Variants in SIK2 observed in about 807,000 individuals in gnomAD.
SIK2 encodes salt inducible kinase 2, also known as serine/threonine-protein kinase SIK2.
In SIK2, 29 loss-of-function variants were observed where a neutral mutation model predicts 103.2. The observed-to-expected ratio is 0.28, with a 90% confidence interval of 0.21 to 0.38. SIK2 has a LOEUF of 0.38. SIK2 is among the 10% of genes least tolerant of loss of function. The pLI, the probability that SIK2 is intolerant of heterozygous loss-of-function variation, is 1.00. For synonymous variants in SIK2, 412 were observed against 446.1 expected (o/e 0.92, Z 0.96); for missense variants, 879 against 1,171.0 (o/e 0.75, Z 3.64).
chr11:111,645,844 A>G (rs1408951981), intron 3 of SIK2, among the ~76,000 whole-genome samples: 2 of 151,870 alleles, frequency 1.3e-5, no homozygotes, highest in East Asian at 1.9e-4. Flanking sequence ...CCATAAAATC[A>G]GAATAGGACT....
chr11:111,653,299 T>G (rs995947985), intron 3 of SIK2, among the ~76,000 whole-genome samples: 1 of 152,204 alleles, frequency 6.6e-6, no homozygotes, highest in African/African-American at 2.4e-5. Flanking sequence ...TAGAAATAAC[T>G]TCAGACTCGA....
intron 8 of SIK2, among the ~76,000 whole-genome samples, chr11:111,706,959 CAAAAA>C (rs763828886): frequency 5.8e-5 from 3 of 52,082 alleles, no homozygotes; most frequent in Admixed American, 2.0e-4. Flanking sequence ...GACTCCGTCT[CAAAAA>C]AAAAAAAAAA....
chr11:111,698,375 T>C (rs1225488383), intron 4 of SIK2, among the ~76,000 whole-genome samples: 2 of 152,134 alleles, frequency 1.3e-5, no homozygotes, highest in Non-Finnish European at 2.9e-5. Context: ...TCCCATTCAC[T>C]CCTTTGAGTT....
chr11:111,721,976 C>T, intron 13 of SIK2, 36 bp downstream of exon 13: 1 of 1,472,406 alleles, frequency 6.8e-7, no homozygotes, highest in Non-Finnish European at 9.2e-7. Context: ...CCTCACTCTG[C>T]TCATCCAGAA....
chr11:111,671,628 G>T, intron 3 of SIK2: 1 of 348,660 alleles, frequency 2.9e-6, no homozygotes. Flanking sequence ...CCATGTCCAG[G>T]GAGCAGCTGT....
intron 3 of SIK2, among the ~76,000 whole-genome samples, chr11:111,687,514 C>CAAAA (rs35674513): frequency 1.6e-5 from 2 of 125,152 alleles, no homozygotes; most frequent in East Asian, 2.2e-4. Context: ...GACTCCATCT[C>CAAAA]AAAAAAAAAA....
Position 111,701,091 on chromosome 11 carries a change from G to A in SIK2, c.603+81G>A. ...TTCTGGCCCATCTTAGAAGCTCCTGGTACTTAACACATAAGCAGTATTTCA... is the reference window on the plus strand; with the variant it reads ...TTCTGGCCCATCTTAGAAGCTCCTGATACTTAACACATAAGCAGTATTTCA... On this transcript the variant is annotated intron_variant, in intron 5 of 14. Transcript: ENST00000304987. The surrounding 1 kb of genome is among the most constrained non-coding windows in gnomAD (Gnocchi z 4.2). 1 of 1,520,824 alleles carries A rather than the reference G, an allele frequency of 6.6e-7. No individual in the cohort carries two copies. Among genetic ancestry groups the A allele is most frequent in the Non-Finnish European group, 8.9e-7 (1 of 1,125,698 alleles). The allele number at this position is 1,520,824 out of a possible 1,614,324, so 94.2% of individuals were successfully genotyped here.
chr11:111,611,819 T>C (rs1410913539), intron 1 of SIK2, among the ~76,000 whole-genome samples: 4 of 152,198 alleles, frequency 2.6e-5, no homozygotes, highest in Non-Finnish European at 4.4e-5. Flanking sequence ...CATGCAGATT[T>C]TGTCTCTTAT....
At chr11:111,608,817 A>G (rs144294810) in intron 1 of SIK2, among the ~76,000 whole-genome samples, 84 of 152,254 alleles carry the variant, frequency 5.5e-4, no homozygotes, top group Middle Eastern at 3.4e-3. Context: ...TTGCCTAGCA[A>G]TGGAATTCTT....
intron 3 of SIK2, among the ~76,000 whole-genome samples, 187 bp downstream of exon 3, chr11:111,620,589 A>G (rs1941868613): frequency 6.6e-6 from 1 of 152,188 alleles, no homozygotes; most frequent in African/African-American, 2.4e-5. Context: ...TTATTATATT[A>G]AAGGTACTAC....
intron 7 of SIK2, among the ~76,000 whole-genome samples, chr11:111,704,040 GA>G (rs1943278731): frequency 6.6e-6 from 1 of 152,162 alleles, no homozygotes; most frequent in Non-Finnish European, 1.5e-5. Flanking sequence ...TGCTCTTCAG[GA>G]AGAAACATAA....
chr11:111,647,113 A>AT (rs1942267553), intron 3 of SIK2, among the ~76,000 whole-genome samples: 1 of 152,170 alleles, frequency 6.6e-6, no homozygotes, highest in Admixed American at 6.5e-5. Context: ...CTATAAAATT[A>AT]TTTTTTAACT....
At chr11:111,639,271 C>G (rs1350762233) in intron 3 of SIK2, among the ~76,000 whole-genome samples, 2 of 150,718 alleles carry the variant, frequency 1.3e-5, no homozygotes, top group African/African-American at 5.0e-5. Flanking sequence ...GATTTCTGAG[C>G]CTTTATTATT....
chr11:111,707,492 G>C (rs146381870), intron 8 of SIK2, among the ~76,000 whole-genome samples: 137 of 152,294 alleles, frequency 9.0e-4, no homozygotes, highest in African/African-American at 3.1e-3. Flanking sequence ...AATGGAACCT[G>C]CTTAGTGTAA....
At chr11:111,668,943 C>T (rs914588672) in intron 3 of SIK2, among the ~76,000 whole-genome samples, 1 of 152,034 alleles carries the variant, frequency 6.6e-6, no homozygotes, top group Admixed American at 6.5e-5. Context: ...GAGATTAGCT[C>T]TAAGATTAGA....
At chr11:111,667,508 T>C (rs911558257) in intron 3 of SIK2, among the ~76,000 whole-genome samples, 2 of 149,848 alleles carry the variant, frequency 1.3e-5, no homozygotes, top group African/African-American at 2.4e-5. Context: ...TTTTTTTTTT[T>C]TGAGTCAGGG....
chr11:111,663,453 G>T (rs976847949), intron 3 of SIK2, among the ~76,000 whole-genome samples: 2 of 152,154 alleles, frequency 1.3e-5, no homozygotes, highest in African/African-American at 4.8e-5. Flanking sequence ...GGGAGGCGTG[G>T]TGAGGCATGG....
intron 3 of SIK2, among the ~76,000 whole-genome samples, chr11:111,644,669 C>G (rs1410189506): frequency 6.6e-6 from 1 of 152,112 alleles, no homozygotes; most frequent in African/African-American, 2.4e-5. Flanking sequence ...AGCTCAGAAA[C>G]TGTTATGAAG....
chr11:111,655,122 C>T (rs1011715999), intron 3 of SIK2, among the ~76,000 whole-genome samples: 5 of 152,212 alleles, frequency 3.3e-5, no homozygotes, highest in African/African-American at 9.6e-5. Flanking sequence ...TTTTCTCTGG[C>T]TGGGCACAGT....
Sources: gnomAD v4.1 joint callset for allele counts (sites outside exome capture counted in the v4.1 genomes callset) on GRCh38, gnomAD v4.1.1 for gene constraint, Gnocchi (gnomAD v3.1) non-coding constraint, MANE v1.5 for transcripts, NCBI Gene and HGNC (gene_info 2026-07-23, HGNC 2026-07-21) for gene names.